The following CNTNAP2 variants were observed in gnomAD, a reference collection of about 807,000 sequenced individuals.
CNTNAP2 encodes contactin-associated protein-like 2.
In CNTNAP2, 98 loss-of-function variants were observed where a neutral mutation model predicts 155.2. The ratio of observed to expected loss-of-function variants is 0.63; its 90% CI spans 0.54 to 0.75. The LOEUF is 0.75. Among genes scored for constraint, CNTNAP2 ranks in the 30% least tolerant of loss-of-function variants. CNTNAP2 has a pLI of 0.00. For missense variants in CNTNAP2, 1,727 were observed against 1,688.1 expected (o/e 1.02, Z -0.40); for synonymous variants, 651 against 631.2 (o/e 1.03, Z -0.47).
Position 148,008,387 on chromosome 7 carries a change from C to T in CNTNAP2, c.2383+30398C>T, listed in dbSNP as rs568129094. 6.6e-5 allele frequency among the ~76,000 whole-genome samples: 10 copies of T among 152,044 alleles called. No homozygotes were observed. The South Asian group carries it at 1.7e-3, about 25-fold the overall frequency. ...ACTCCATCTCAAACAAACAAACAAA[C>T]AAGCAAAAAACATTTGAAGCATTGA... On this transcript the variant is annotated intron_variant, in intron 15 of 23. Transcript: ENST00000361727.
chr7:147,116,070 A>G (rs1316201348), intron 5 of CNTNAP2, among the ~76,000 whole-genome samples: 2 of 151,968 alleles, frequency 1.3e-5, no homozygotes, highest in Non-Finnish European at 2.9e-5. Flanking sequence ...ACTCATCCAT[A>G]GGGCTATTGT....
intron 15 of CNTNAP2, among the ~76,000 whole-genome samples, chr7:147,995,851 CTG>C (rs35080228): frequency 0.24 from 36,621 of 152,054 alleles, 5,568 homozygotes; most frequent in East Asian, 0.49. Context: ...AGAAAAAAGA[CTG>C]TGCTCTTTTC....
At chr7:148,060,370 A>G (rs760727854) in intron 15 of CNTNAP2, among the ~76,000 whole-genome samples, 1 of 152,142 alleles carries the variant, frequency 6.6e-6, no homozygotes, top group Admixed American at 6.5e-5. Context: ...TACTATGTGT[A>G]TATATTAGGC....
chr7:148,051,687 A>G (rs1441794095), intron 15 of CNTNAP2, among the ~76,000 whole-genome samples: 1 of 152,252 alleles, frequency 6.6e-6, no homozygotes, highest in Non-Finnish European at 1.5e-5. Flanking sequence ...AAATTTTGCT[A>G]AGAAAATTAT....
intron 22 of CNTNAP2, among the ~76,000 whole-genome samples, chr7:148,386,346 G>A (rs946333705): frequency 1.3e-5 from 2 of 152,060 alleles, no homozygotes; most frequent in Admixed American, 6.6e-5. Context: ...TGACCAACAC[G>A]GTGAAAGCCC....
At chr7:146,293,445 A>G (rs770544647) in intron 1 of CNTNAP2, among the ~76,000 whole-genome samples, 4 of 152,210 alleles carry the variant, frequency 2.6e-5, no homozygotes, top group Non-Finnish European at 5.9e-5. Context: ...TTTCAACTCC[A>G]GAGCTGGCTA....
chr7:146,917,812 C>T (rs1796424505), intron 3 of CNTNAP2, among the ~76,000 whole-genome samples: 1 of 152,158 alleles, frequency 6.6e-6, no homozygotes, highest in Non-Finnish European at 1.5e-5. Flanking sequence ...TGACTTTGCA[C>T]CTCCTTGCTT....
At chr7:148,252,419 C>G (rs1042566666) in intron 20 of CNTNAP2, among the ~76,000 whole-genome samples, 13 of 152,126 alleles carry the variant, frequency 8.5e-5, no homozygotes, top group Non-Finnish European at 2.9e-5. Flanking sequence ...GAAGTCCTCC[C>G]TGGGATTTCC....
At chr7:147,719,088 G>C (rs1310803354) in intron 13 of CNTNAP2, among the ~76,000 whole-genome samples, 1 of 152,100 alleles carries the variant, frequency 6.6e-6, no homozygotes, top group Non-Finnish European at 1.5e-5. Flanking sequence ...TATTAAAAGG[G>C]ATAGTTAAAG....
At chr7:146,165,259 T>C (rs1006044821) in intron 1 of CNTNAP2, among the ~76,000 whole-genome samples, 3 of 152,312 alleles carry the variant, frequency 2.0e-5, no homozygotes, top group African/African-American at 7.2e-5. Flanking sequence ...AAATGCTTAA[T>C]GTTTAATTCA....
In CNTNAP2 at chr7:146,759,464, A is replaced by G. The variant is rs1381083778; in HGVS notation, c.98-14807A>G. On this transcript the variant is annotated intron_variant, in intron 1 of 23. Coordinates refer to ENST00000361727, the MANE Select transcript of CNTNAP2 (RefSeq NM_014141.6). ...AATCCCAACACTTTGGGAGGCCGAG[A>G]TGGGCAGATCGCCAGGTCAGAGATC... Among the ~76,000 whole-genome samples the G allele has an allele frequency of 2.0e-5, 3 of 151,978 alleles. No homozygotes were observed. In the East Asian group the frequency reaches 5.8e-4, roughly 29 times the overall value.
At chr7:146,964,318 G>C (rs1247737987) in intron 3 of CNTNAP2, among the ~76,000 whole-genome samples, 1 of 152,168 alleles carries the variant, frequency 6.6e-6, no homozygotes, top group Non-Finnish European at 1.5e-5. Context: ...TGAAGTTTAT[G>C]TTTCTGTAAA....
chr7:146,370,022 A>G (rs766343180), intron 1 of CNTNAP2, among the ~76,000 whole-genome samples: 3 of 152,076 alleles, frequency 2.0e-5, no homozygotes, highest in Non-Finnish European at 4.4e-5. Context: ...TGGAGTAAGA[A>G]GTGAAGTAGA....
intron 1 of CNTNAP2, among the ~76,000 whole-genome samples, chr7:146,742,322 C>T (rs1801732030): frequency 6.6e-6 from 1 of 152,092 alleles, no homozygotes; most frequent in Non-Finnish European, 1.5e-5. Flanking sequence ...TTTTCACATT[C>T]CACTGCCAAC....
At chr7:147,193,283 G>C (rs1292092864) in intron 8 of CNTNAP2, among the ~76,000 whole-genome samples, 1 of 152,194 alleles carries the variant, frequency 6.6e-6, no homozygotes, top group Non-Finnish European at 1.5e-5. Context: ...AGTTAATGTA[G>C]CTAAAAGTAG....
chr7:146,817,547 G>A (rs1029896320), intron 2 of CNTNAP2, among the ~76,000 whole-genome samples: 1 of 152,002 alleles, frequency 6.6e-6, no homozygotes, highest in Non-Finnish European at 1.5e-5. Context: ...TCTGTAGGCT[G>A]TACAGAAAGC....
At chr7:147,094,515 C>T (rs1391002650) in intron 4 of CNTNAP2, among the ~76,000 whole-genome samples, 1 of 151,348 alleles carries the variant, frequency 6.6e-6, no homozygotes, top group South Asian at 2.1e-4. Flanking sequence ...CATTCTCCTG[C>T]CTCAGCCTCC....
intron 15 of CNTNAP2, among the ~76,000 whole-genome samples, chr7:148,084,355 T>C (rs1354313093): frequency 2.0e-5 from 3 of 152,204 alleles, no homozygotes; most frequent in Non-Finnish European, 4.4e-5. Flanking sequence ...CAGATCTTTC[T>C]ATTAAACTCC....
intron 1 of CNTNAP2, among the ~76,000 whole-genome samples, chr7:146,316,826 TTC>T (rs1345627117): frequency 6.6e-6 from 1 of 152,076 alleles, no homozygotes; most frequent in Non-Finnish European, 1.5e-5. Context: ...CACCTACTCT[TTC>T]CAAGAGCTAT....
Sources: allele counts gnomAD v4.1 joint callset (sites outside exome capture counted in the v4.1 genomes callset), GRCh38; gene constraint gnomAD v4.1.1; transcripts MANE v1.5; gene names NCBI Gene and HGNC (gene_info 2026-07-23, HGNC 2026-07-21).